The following COL4A4 variants were observed in gnomAD, a reference collection of about 807,000 sequenced individuals.
COL4A4 encodes collagen alpha-4(IV) chain.
In COL4A4, 105 loss-of-function variants were observed where a neutral mutation model predicts 192.9. That is an observed-to-expected ratio of 0.54 (90% confidence interval 0.46 to 0.64). COL4A4 has a LOEUF of 0.64. COL4A4 is among the 30% of genes least tolerant of loss of function. The pLI is 0.00. For synonymous variants in COL4A4, 762 were observed against 769.9 expected (o/e 0.99, Z 0.17); for missense variants, 1,967 against 2,169.3 (o/e 0.91, Z 1.85).
chr2:227,036,185 C>T (rs1232510015), intron 37 of COL4A4, among the ~76,000 whole-genome samples: 1 of 152,212 alleles, frequency 6.6e-6, no homozygotes. Flanking sequence ...GCACACTGCA[C>T]TTTCAGGCTG....
intron 42 of COL4A4, 30 bp downstream of exon 42, chr2:227,027,872 C>T: frequency 6.9e-7 from 1 of 1,446,442 alleles, no homozygotes; most frequent in Non-Finnish European, 9.7e-7. Flanking sequence ...AATGTTTAAA[C>T]AAAATGCTGT....
At chr2:227,019,072 A>T (rs536021376) in intron 44 of COL4A4, among the ~76,000 whole-genome samples, 61 of 152,206 alleles carry the variant, frequency 4.0e-4, no homozygotes, top group South Asian at 1.2e-3. Context: ...CTCAATTTTG[A>T]TGTTGAGGTG....
the COL4A4 span, among the ~76,000 whole-genome samples, chr2:226,983,551 G>A: frequency 6.6e-6 from 1 of 152,176 alleles, no homozygotes; most frequent in African/African-American, 2.4e-5. Flanking sequence ...ACCACTCGGG[G>A]ATGGTTGTTC....
intron 9 of COL4A4, among the ~76,000 whole-genome samples, chr2:227,109,813 T>C (rs1452332344): frequency 6.6e-6 from 1 of 151,646 alleles, no homozygotes; most frequent in East Asian, 1.9e-4. Context: ...TTCCTTCATT[T>C]AGGGTCCAGT....
rs1306271313 is a variant in COL4A4 at position 227,104,060 on chromosome 2, A to T, written c.736-8T>A. ...TTGCTGACCAACCTCACCCTTAAAA[A>T]AAAAAGCAAGATAATGAAAATTTCA... On this transcript the variant is annotated splice_region_variant and splice_polypyrimidine_tract_variant and intron_variant, in intron 12 of 47. Coordinates refer to ENST00000396625, the MANE Select transcript of COL4A4 (RefSeq NM_000092.5). 1 of 1,611,388 alleles carries T rather than the reference A, an allele frequency of 6.2e-7. No individual in the cohort carries two copies. The highest frequency in any genetic ancestry group is 8.5e-7 in the Non-Finnish European group (1 of 1,178,948).
At chr2:227,012,395 G>C (rs1171258352) in intron 44 of COL4A4, 98 bp from the exon 45 acceptor site, 1 of 920,350 alleles carries the variant, frequency 1.1e-6, no homozygotes, top group Non-Finnish European at 1.8e-6. Context: ...CCAGCCCCAG[G>C]CTTCCTTCCC....
chr2:227,002,827 A>G lies in COL4A4; in HGVS notation c.*4498T>C, dbSNP rs1481974918. 1 of 152,334 alleles carries G rather than the reference A, an allele frequency of 6.6e-6. No homozygotes were observed. Among genetic ancestry groups the G allele is most frequent in the East Asian group, 1.9e-4 (1 of 5,202 alleles). The allele number at this position is 152,334 out of a possible 1,614,324, so 9.4% of individuals were successfully genotyped here. A position where few individuals can be genotyped will look rare whatever the true frequency, so the allele number is the denominator to read the frequency against. ...GGCATCTTGCAAAAGTTACATGCTG[A>G]AAGTCTTTAACTTTACAACCAGAGG... On this transcript the variant is annotated 3_prime_UTR_variant, in exon 48 of 48. Transcript: ENST00000396625.
chr2:227,129,687 G>T lies in COL4A4; in HGVS notation c.193-8539C>A, dbSNP rs1410144591. ...GCCTCCCAAAGTGCCAGGATTACAG[G>T]CATGAGCCACTGCGCCTGGCCTCTG... is the stretch of plus-strand genomic sequence containing the variant. On this transcript the variant is annotated intron_variant, in intron 4 of 47. Transcript: ENST00000396625. 2.0e-5 allele frequency among the ~76,000 whole-genome samples: 3 copies of T among 152,222 alleles called. No individual in the cohort carries two copies. The East Asian group carries it at 5.8e-4, about 29-fold the overall frequency.
Position 227,005,852 on chromosome 2 carries a change from TC to T in COL4A4, c.*1472del, listed in dbSNP as rs1961974748. 1.3e-5 allele frequency: 2 copies of T among 152,322 alleles called. No individual in the cohort carries two copies. Among genetic ancestry groups the T allele is most frequent in the Admixed American group, 6.5e-5 (1 of 15,296 alleles). 9.4% of individuals were successfully genotyped at this position (152,322 alleles called of 1,614,324 possible). On this transcript the variant is annotated 3_prime_UTR_variant, in exon 48 of 48. Coordinates refer to ENST00000396625, the MANE Select transcript of COL4A4 (RefSeq NM_000092.5). ...TTCTTTTAGATGAGGAAGGTGAGTT[TC>T]CTAAAAATTTTTTCCAACAAATCTT... is the stretch of plus-strand genomic sequence containing the variant.
At chr2:227,149,202 T>C (rs1054446506) in intron 1 of COL4A4, among the ~76,000 whole-genome samples, 7 of 152,162 alleles carry the variant, frequency 4.6e-5, no homozygotes, top group African/African-American at 1.7e-4. Flanking sequence ...TTCAATGCTG[T>C]ATGTATGGAA....
intron 20 of COL4A4, among the ~76,000 whole-genome samples, chr2:227,091,394 A>G (rs2059921882): frequency 6.6e-6 from 1 of 151,532 alleles, no homozygotes; most frequent in South Asian, 2.1e-4. Flanking sequence ...CAGAAAAATA[A>G]ACAGCTGGAG....
At chr2:227,050,020 T>A in intron 34 of COL4A4, 48 bp downstream of exon 34, 1 of 1,553,000 alleles carries the variant, frequency 6.4e-7, no homozygotes, top group South Asian at 1.1e-5. Flanking sequence ...GTTATAAACA[T>A]TCGGGACTAT....
intron 4 of COL4A4, among the ~76,000 whole-genome samples, chr2:227,134,953 A>G (rs1330113352): frequency 6.6e-6 from 1 of 152,262 alleles, no homozygotes; most frequent in Non-Finnish European, 1.5e-5. Flanking sequence ...TTACTAAAGT[A>G]TAACTTATAA....
intron 3 of COL4A4, among the ~76,000 whole-genome samples, chr2:227,141,682 G>C (rs2063219050): frequency 4.6e-5 from 7 of 152,106 alleles, no homozygotes; most frequent in Admixed American, 4.6e-4. Context: ...AGCTTGACGA[G>C]AGTCAAGCGA....
At chr2:227,052,678 G>A (rs1288252792) in intron 31 of COL4A4, among the ~76,000 whole-genome samples, 8 of 151,754 alleles carry the variant, frequency 5.3e-5, no homozygotes, top group Admixed American at 3.9e-4. Context: ...CAAACTGGTC[G>A]GGGTCTTCAC....
chr2:227,010,271 T>C (rs772942055), intron 46 of COL4A4, 42 bp downstream of exon 46: 1 of 1,608,536 alleles, frequency 6.2e-7, no homozygotes, highest in Non-Finnish European at 8.5e-7. Context: ...ACCCCAAATT[T>C]TACTCTTCAG....
intron 3 of COL4A4, among the ~76,000 whole-genome samples, chr2:227,144,164 A>T (rs1233644007): frequency 6.6e-6 from 1 of 152,184 alleles, no homozygotes; most frequent in Non-Finnish European, 1.5e-5. Flanking sequence ...AGCTTATTAC[A>T]GAATGTTCTG....
intron 1 of COL4A4, among the ~76,000 whole-genome samples, chr2:227,154,410 T>C (rs1226811073): frequency 6.6e-6 from 1 of 152,184 alleles, no homozygotes; most frequent in Non-Finnish European, 1.5e-5. Context: ...AGGAGAAATG[T>C]CTAAGATTGG....
intron 25 of COL4A4, among the ~76,000 whole-genome samples, chr2:227,074,103 G>A (rs1373509668): frequency 6.6e-6 from 1 of 151,848 alleles, no homozygotes; most frequent in African/African-American, 2.4e-5. Context: ...AATAAGTAGA[G>A]TAAACAGAAA....
Sources: allele counts gnomAD v4.1 joint callset (sites outside exome capture counted in the v4.1 genomes callset), GRCh38; gene constraint gnomAD v4.1.1; transcripts MANE v1.5; gene names NCBI Gene and HGNC (gene_info 2026-07-23, HGNC 2026-07-21).